Variants in EPHA3 observed in about 807,000 individuals in gnomAD.
EPHA3 encodes EPH receptor A3.
Under a neutral mutation model 107.1 loss-of-function variants are expected in EPHA3, and 42 were observed. The observed-to-expected ratio is 0.39, with a 90% CI of 0.31 to 0.51. The LOEUF (loss-of-function observed/expected upper bound fraction) is 0.51. EPHA3 is among the 20% of genes least tolerant of loss of function. The pLI is 0.78. For synonymous variants in EPHA3, 461 were observed against 424.8 expected (o/e 1.09, Z -1.05); for missense variants, 1,183 against 1,211.2 (o/e 0.98, Z 0.35).
intron 2 of EPHA3, among the ~76,000 whole-genome samples, chr3:89,207,441 C>A (rs1366197400): frequency 2.0e-5 from 3 of 152,048 alleles, no homozygotes; most frequent in Middle Eastern, 3.2e-3. Context: ...ATGCGATGGA[C>A]CAATGTAGCA....
At chr3:89,219,243 A>G (rs1163396427) in intron 3 of EPHA3, among the ~76,000 whole-genome samples, 1 of 151,658 alleles carries the variant, frequency 6.6e-6, no homozygotes, top group Non-Finnish European at 1.5e-5. Context: ...GGCTCACCGC[A>G]ACCTCCACCT....
chr3:89,396,472 A>C (rs2107504866), intron 6 of EPHA3, among the ~76,000 whole-genome samples: 1 of 152,304 alleles, frequency 6.6e-6, no homozygotes, highest in South Asian at 2.1e-4. Context: ...TAGATGGATA[A>C]ATTTGCGTGA....
At chr3:89,130,791 C>T (rs543347756) in intron 2 of EPHA3, among the ~76,000 whole-genome samples, 2 of 152,102 alleles carry the variant, frequency 1.3e-5, no homozygotes, top group African/African-American at 2.4e-5. Context: ...CCCGCCACCA[C>T]GCTCAGCTAA....
At chr3:89,141,340 A>C (rs1303650726) in intron 2 of EPHA3, among the ~76,000 whole-genome samples, 1 of 151,564 alleles carries the variant, frequency 6.6e-6, no homozygotes, top group East Asian at 1.9e-4. Context: ...TCAGAGAAAG[A>C]GGTCTAACAA....
intron 15 of EPHA3, among the ~76,000 whole-genome samples, chr3:89,452,262 G>GT: frequency 6.6e-6 from 1 of 152,154 alleles, no homozygotes; most frequent in East Asian, 1.9e-4. Flanking sequence ...TCTATTTTTA[G>GT]TTTTTTGTGG....
rs546147781 is a variant in EPHA3, at chr3:89,411,319, T to TTA, written c.1763-1822_1763-1821insTA. ...TGTATTTCCCCATTTCTGTGGATAT[T>TTA]GACTTCTAGATAGTGGTGTCCTTTC... On this transcript the variant is annotated intron_variant, in intron 9 of 16. Coordinates refer to ENST00000336596, the MANE Select transcript of EPHA3 (RefSeq NM_005233.6). Among the ~76,000 whole-genome samples, 13 of 152,022 alleles carry TTA rather than the reference T, an allele frequency of 8.6e-5. No individual in the cohort carries two copies. The South Asian group carries it at 1.9e-3, about 22-fold the overall frequency.
chr3:89,442,079 A>T (rs2107546977), intron 13 of EPHA3, among the ~76,000 whole-genome samples: 1 of 152,318 alleles, frequency 6.6e-6, no homozygotes, highest in Non-Finnish European at 1.5e-5. Context: ...ATTGATGCTT[A>T]ATTTATAAAG....
chr3:89,415,493 A>ATATATATATATATATATATAT (rs1559687639), intron 10 of EPHA3, among the ~76,000 whole-genome samples: 3 of 93,420 alleles, frequency 3.2e-5, no homozygotes, highest in Non-Finnish European at 4.6e-5. Context: ...TATATATATA[A>ATATATATATATATATATATAT]GCTAATTCTC....
chr3:89,153,308 G>T lies in EPHA3; in HGVS notation c.153+26035G>T, dbSNP rs565696491. On this transcript the variant is annotated intron_variant, in intron 2 of 16. Transcript: ENST00000336596. Reference sequence around the variant, plus strand: ...TGCTTTAATTTTTTCACACTTGCGGGTCCTTCTTCATTGACTTTGCTGTTG... The same window carrying T: ...TGCTTTAATTTTTTCACACTTGCGGTTCCTTCTTCATTGACTTTGCTGTTG... 5.9e-5 allele frequency among the ~76,000 whole-genome samples: 9 copies of T among 152,064 alleles called. No homozygotes were observed. The South Asian group carries it at 1.9e-3, about 32-fold the overall frequency.
chr3:89,122,651 A>G (rs1312577831), intron 1 of EPHA3, among the ~76,000 whole-genome samples: 1 of 152,208 alleles, frequency 6.6e-6, no homozygotes, highest in Non-Finnish European at 1.5e-5. Context: ...AGTCTTTCTA[A>G]GTGGACAAGT....
At chr3:89,290,645 G>T (rs1706189189) in intron 3 of EPHA3, among the ~76,000 whole-genome samples, 1 of 152,016 alleles carries the variant, frequency 6.6e-6, no homozygotes, top group South Asian at 2.1e-4. Flanking sequence ...GGAGGTTGAG[G>T]CATATCTATA....
intron 2 of EPHA3, among the ~76,000 whole-genome samples, chr3:89,198,525 A>G (rs1705898285): frequency 6.6e-6 from 1 of 152,144 alleles, no homozygotes. Flanking sequence ...ACATGTTTCT[A>G]TGAAGTATTG....
intron 12 of EPHA3, among the ~76,000 whole-genome samples, chr3:89,429,874 C>T: frequency 6.6e-6 from 1 of 152,108 alleles, no homozygotes; most frequent in Non-Finnish European, 1.5e-5. Context: ...AGTGATTTTC[C>T]TGCCTCAGCC....
At chr3:89,156,025 G>A (rs911489974) in intron 2 of EPHA3, among the ~76,000 whole-genome samples, 2 of 152,178 alleles carry the variant, frequency 1.3e-5, no homozygotes, top group African/African-American at 4.8e-5. Context: ...TGTGGTGATT[G>A]TTAAACTAGT....
intron 5 of EPHA3, among the ~76,000 whole-genome samples, chr3:89,370,993 A>G (rs554682152): frequency 4.2e-4 from 63 of 151,806 alleles, no homozygotes; most frequent in African/African-American, 1.5e-3. Flanking sequence ...TAAGAAAATA[A>G]AAGAACTACC....
chr3:89,471,928 A>T (rs187492403), intron 15 of EPHA3, among the ~76,000 whole-genome samples: 3 of 152,056 alleles, frequency 2.0e-5, no homozygotes, highest in African/African-American at 7.2e-5. Context: ...TTTTATTTTT[A>T]ATGACATGCA....
intron 5 of EPHA3, among the ~76,000 whole-genome samples, chr3:89,342,698 T>C (rs920811621): frequency 4.6e-5 from 7 of 152,298 alleles, no homozygotes; most frequent in Non-Finnish European, 8.8e-5. Context: ...TGATAACTGA[T>C]AAATGAGTAA....
intron 5 of EPHA3, among the ~76,000 whole-genome samples, chr3:89,382,477 C>T (rs1708531321): frequency 6.9e-6 from 1 of 144,748 alleles, no homozygotes; most frequent in South Asian, 2.2e-4. Flanking sequence ...CATTGCACTC[C>T]AACCTGGGCA....
chr3:89,154,613 CAT>C (rs1349021846), intron 2 of EPHA3, among the ~76,000 whole-genome samples: 1 of 151,446 alleles, frequency 6.6e-6, no homozygotes, highest in East Asian at 1.9e-4. Context: ...TTATATAAAT[CAT>C]GTGAAAAATT....
Sources: allele counts gnomAD v4.1 joint callset (sites outside exome capture counted in the v4.1 genomes callset), GRCh38; gene constraint gnomAD v4.1.1; transcripts MANE v1.5; gene names NCBI Gene and HGNC (gene_info 2026-07-23, HGNC 2026-07-21).